Variants in MCPH1 observed in about 807,000 individuals in gnomAD.
The protein encoded by MCPH1 is microcephalin 1, also known as microcephalin.
Under a neutral mutation model 84.5 loss-of-function variants are expected in MCPH1, and 104 were observed. That is an observed-to-expected ratio of 1.23 (90% CI 1.05 to 1.45). The LOEUF is 1.45. Ranked by LOEUF, MCPH1 falls within the 40% of genes most tolerant of loss-of-function variation. MCPH1 has a pLI of 0.00. For missense variants in MCPH1, 1,498 were observed against 1,005.7 expected, an observed-to-expected ratio of 1.49 and a Z score of -6.62; for synonymous variants, 514 against 366.8, an observed-to-expected ratio of 1.40 and a Z score of -4.58.
intron 2 of MCPH1, among the ~76,000 whole-genome samples, chr8:6,411,862 G>A (rs1397288184): frequency 7.2e-5 from 11 of 152,290 alleles, no homozygotes; most frequent in East Asian, 5.8e-4. Context: ...CTTAACCCCC[G>A]TGGATAAGGG....
intron 9 of MCPH1, 25 bp from the exon 10 acceptor site, chr8:6,477,569 G>A (rs751560426): frequency 5.0e-6 from 8 of 1,606,152 alleles, no homozygotes; most frequent in Non-Finnish European, 6.8e-6. Flanking sequence ...ACTGTTTTTT[G>A]TTCCTTCTTG....
intron 11 of MCPH1, among the ~76,000 whole-genome samples, chr8:6,483,817 G>A (rs997992471): frequency 1.3e-5 from 2 of 152,072 alleles, no homozygotes; most frequent in Non-Finnish European, 2.9e-5. Context: ...CCAATACCAT[G>A]CCACTGCACT....
chr8:6,423,110 C>T (rs760721850), intron 3 of MCPH1, among the ~76,000 whole-genome samples: 14 of 149,836 alleles, frequency 9.3e-5, no homozygotes, highest in Admixed American at 4.6e-4. Context: ...TAAGAGCCAC[C>T]GTGCCTGGCA....
At chr8:6,446,921 G>C (rs74396844) in intron 8 of MCPH1, 12,726 of 985,396 alleles carry the variant, frequency 0.013, 104 homozygotes, top group Middle Eastern at 0.016. Flanking sequence ...TAAGTAGAAG[G>C]GGGTGAGGGG....
At chr8:6,524,087 T>C (rs1367535271) in intron 12 of MCPH1, among the ~76,000 whole-genome samples, 1 of 152,180 alleles carries the variant, frequency 6.6e-6, no homozygotes, top group Admixed American at 6.5e-5. Context: ...AGAAAAACAG[T>C]GACCAGATGT....
At chr8:6,512,593 T>C (rs897779678) in intron 12 of MCPH1, among the ~76,000 whole-genome samples, 6 of 152,230 alleles carry the variant, frequency 3.9e-5, no homozygotes, top group Non-Finnish European at 7.3e-5. Context: ...CTCACTTCTC[T>C]GCCCCTCCCG....
intron 12 of MCPH1, among the ~76,000 whole-genome samples, chr8:6,509,304 C>G (rs1250163897): frequency 6.6e-6 from 1 of 152,218 alleles, no homozygotes; most frequent in East Asian, 1.9e-4. Flanking sequence ...GCACAACTAT[C>G]AGAAGCGACT....
chr8:6,502,985 C>T, intron 12 of MCPH1: 1 of 1,270,866 alleles, frequency 7.9e-7, no homozygotes, highest in South Asian at 1.4e-5. Context: ...CCCGTCAGCA[C>T]CGAGCACACG....
chr8:6,564,365 C>T (rs1206013495), intron 12 of MCPH1, among the ~76,000 whole-genome samples: 1 of 152,168 alleles, frequency 6.6e-6, no homozygotes, highest in Non-Finnish European at 1.5e-5. Context: ...TGGTATTAGA[C>T]TCGGGCAAGT....
chr8:6,486,018 G>C (rs1232878610), intron 11 of MCPH1, among the ~76,000 whole-genome samples: 1 of 151,972 alleles, frequency 6.6e-6, no homozygotes, highest in Non-Finnish European at 1.5e-5. Context: ...TTCTTGCATG[G>C]CCCCCCTCCT....
chr8:6,476,477 C>A lies in MCPH1; in HGVS notation c.1936-1117C>A, dbSNP rs574051423. Among the ~76,000 whole-genome samples, 9 of 149,566 alleles carry A rather than the reference C, an allele frequency of 6.0e-5. No homozygotes were observed. The East Asian group carries it at 1.6e-3, about 26-fold the overall frequency. On this transcript the variant is annotated intron_variant, in intron 9 of 13. Coordinates refer to ENST00000344683, the MANE Select transcript of MCPH1 (RefSeq NM_024596.5). Reference sequence around the variant, plus strand: ...GAAAAAAATTCAGTCATAGACCAAACTTAAAAGCAGAAATATAAAATTTTA... The same window carrying A: ...GAAAAAAATTCAGTCATAGACCAAAATTAAAAGCAGAAATATAAAATTTTA...
At chr8:6,436,395 C>G (rs954721719) in intron 5 of MCPH1, among the ~76,000 whole-genome samples, 1 of 152,088 alleles carries the variant, frequency 6.6e-6, no homozygotes, top group African/African-American at 2.4e-5. Flanking sequence ...TCAAGGTGGT[C>G]GAACTTTTTA....
At chr8:6,639,068 T>C (rs966012804) in intron 13 of MCPH1, among the ~76,000 whole-genome samples, 6 of 152,210 alleles carry the variant, frequency 3.9e-5, no homozygotes, top group African/African-American at 1.4e-4. Flanking sequence ...TAGGCTTCTG[T>C]TCCATCTTGT....
intron 12 of MCPH1, chr8:6,527,443 T>G: frequency 5.1e-6 from 7 of 1,365,530 alleles, no homozygotes; most frequent in Non-Finnish European, 7.0e-6. Context: ...TTTCTGACCC[T>G]TACACTAGAC....
chr8:6,508,740 C>T, intron 12 of MCPH1: 2 of 759,742 alleles, frequency 2.6e-6, no homozygotes, highest in Non-Finnish European at 4.3e-6. Flanking sequence ...AGTCTAGCTC[C>T]ATATCATATT....
intron 11 of MCPH1, among the ~76,000 whole-genome samples, chr8:6,496,638 T>C (rs2922806): frequency 0.7 from 106,292 of 151,956 alleles, 37,973 homozygotes; most frequent in Non-Finnish European, 0.76. Context: ...GTGGGCGGTA[T>C]GCTTGGATAA....
At chr8:6,558,412 CTT>C (rs1406510855) in intron 12 of MCPH1, among the ~76,000 whole-genome samples, 1 of 152,126 alleles carries the variant, frequency 6.6e-6, no homozygotes, top group Non-Finnish European at 1.5e-5. Flanking sequence ...GATTTGAACT[CTT>C]GTTTTTCAAT....
Position 6,445,445 on chromosome 8 carries a change from G to A in MCPH1, c.1723G>A (p.Glu575Lys), listed in dbSNP as rs1563220880. Residue 575 changes from glutamate (E) to lysine (K), a missense_variant, in exon 8 of 14, where the codon GAA (glutamate) becomes AAA (lysine). Glu to Lys is a moderately conservative substitution (Grantham distance 56). Transcript: ENST00000344683. The stretch of plus-strand genomic sequence containing the variant: ...CACTTCCAAAATATCAAACTCCTCT[G>A]AAGGCGAAGCCCAGAGTGAACATGA... ...GTTSKISNSS[E>K]GEAQSEHEPC... 6.2e-7 allele frequency: 1 copy of A among 1,614,224 alleles called. No homozygotes were observed. Among genetic ancestry groups the A allele is most frequent in the South Asian group, 1.1e-5 (1 of 91,090 alleles).
At chr8:6,465,504 A>G (rs1247314737) in intron 9 of MCPH1, among the ~76,000 whole-genome samples, 5 of 152,158 alleles carry the variant, frequency 3.3e-5, no homozygotes, top group Non-Finnish European at 5.9e-5. Flanking sequence ...GTCCAACAAG[A>G]TGTGAAGGGA....
Sources: allele counts gnomAD v4.1 joint callset (sites outside exome capture counted in the v4.1 genomes callset), GRCh38; gene constraint gnomAD v4.1.1; transcripts MANE v1.5; gene names NCBI Gene and HGNC (gene_info 2026-07-23, HGNC 2026-07-21).